Variants in STAT1 observed in about 807,000 individuals in gnomAD.
STAT1 encodes signal transducer and activator of transcription 1.
In STAT1, 24 loss-of-function variants were observed where a neutral mutation model predicts 111.7. The ratio of observed to expected loss-of-function variants is 0.21; its 90% CI spans 0.16 to 0.30. The LOEUF (loss-of-function observed/expected upper bound fraction) is 0.30. STAT1 is among the 10% of genes least tolerant of loss of function. The pLI is 1.00. For missense variants in STAT1, 351 were observed against 911.9 expected (o/e 0.38, Z 7.92); for synonymous variants, 332 against 326.5 (o/e 1.02, Z -0.18).
chr2:190,977,103 GT>G lies in STAT1; in HGVS notation c.1874-79del. 7.0e-7 allele frequency: 1 copy of G among 1,435,550 alleles called. No individual in the cohort carries two copies. Among genetic ancestry groups the G allele is most frequent in the Non-Finnish European group, 9.8e-7 (1 of 1,020,898 alleles). 88.9% of individuals were successfully genotyped at this position (1,435,550 alleles called of 1,614,324 possible). ...GGACAGAGAAATAAAACACTGCAGA[GT>G]TGATGGATTTGAGTGAACCTCATAA... On this transcript the variant is annotated intron_variant, in intron 21 of 24. Coordinates refer to ENST00000361099, the MANE Select transcript of STAT1 (RefSeq NM_007315.4). This position sits in a 1 kb window ranked among gnomAD's most constrained non-coding sequence, Gnocchi z 4.7.
At position 190,998,319 on chromosome 2, in the gene STAT1, A is replaced by G; in HGVS notation, c.542-11T>C. On this transcript the variant is annotated splice_polypyrimidine_tract_variant and intron_variant, in intron 7 of 24. Transcript: ENST00000361099. This position sits in a 1 kb window ranked among gnomAD's most constrained non-coding sequence, Gnocchi z 4.1. ...CATTGGTCTCGTGTTCTATAAATTG[A>G]GAGACAGCCAGTAAATATATAAAGA... The G allele has an allele frequency of 6.3e-7, 1 of 1,595,192 alleles. No individual in the cohort carries two copies. The highest frequency in any genetic ancestry group is 8.6e-7 in the Non-Finnish European group (1 of 1,163,408).
At position 190,981,971 on chromosome 2, in the gene STAT1, GT is replaced by G. The variant is rs1240904580; in HGVS notation, c.1582+411del. On this transcript the variant is annotated intron_variant, in intron 18 of 24. Transcript: ENST00000361099. This position sits in a 1 kb window ranked among gnomAD's most constrained non-coding sequence, Gnocchi z 4.1. ...GCCCCACCTGAGGCAAGGGCCCTGGGTTTATGCTGCAGTGGGCAAGCCCCAG... is the reference window on the plus strand; with the variant it reads ...GCCCCACCTGAGGCAAGGGCCCTGGGTTATGCTGCAGTGGGCAAGCCCCAG... 1.3e-5 allele frequency among the ~76,000 whole-genome samples: 2 copies of G among 152,370 alleles called. No individual in the cohort carries two copies. The highest frequency in any genetic ancestry group is 3.4e-3 in the Middle Eastern group (1 of 294).
rs1694401553 is a variant in STAT1, at chr2:191,003,098, T to G, written c.373-1935A>C. On this transcript the variant is annotated intron_variant, in intron 5 of 24. Coordinates refer to ENST00000361099, the MANE Select transcript of STAT1 (RefSeq NM_007315.4). This position sits in a 1 kb window ranked among gnomAD's most constrained non-coding sequence, Gnocchi z 4.0. The stretch of plus-strand genomic sequence containing the variant: ...TAAAATTGGTCCATAATTTTTTGTT[T>G]TATCTTTATCAGGCATACGTCATCA... Among the ~76,000 whole-genome samples the G allele has an allele frequency of 1.3e-5, 2 of 152,228 alleles. 1 individual carries two copies. The highest frequency in any genetic ancestry group is 4.8e-5 in the African/African-American group (2 of 41,460).
intron 2 of STAT1, among the ~76,000 whole-genome samples, chr2:191,010,961 T>C (rs1369339124): frequency 2.0e-5 from 3 of 152,230 alleles, no homozygotes; most frequent in Non-Finnish European, 1.5e-5. Context: ...AGGATTTATA[T>C]CAGCACACAG....
rs1693905900 is a variant in STAT1 at position 190,996,968 on chromosome 2, G to A, written c.785+888C>T. ...CAAAGATCAGAGAAATACATCTCCTGCTTAAGAAAAAAGCCTGCCTTGGCT... is the reference window on the plus strand; with the variant it reads ...CAAAGATCAGAGAAATACATCTCCTACTTAAGAAAAAAGCCTGCCTTGGCT... On this transcript the variant is annotated intron_variant, in intron 9 of 24. Coordinates refer to ENST00000361099, the MANE Select transcript of STAT1 (RefSeq NM_007315.4). The surrounding 1 kb of genome is among the most constrained non-coding windows in gnomAD (Gnocchi z 4.5). Among the ~76,000 whole-genome samples the A allele has an allele frequency of 6.6e-6, 1 of 152,180 alleles. No individual in the cohort carries two copies.
intron 2 of STAT1, among the ~76,000 whole-genome samples, chr2:191,011,592 A>T (rs1317921016): frequency 6.6e-6 from 1 of 152,026 alleles, no homozygotes; most frequent in Non-Finnish European, 1.5e-5. Context: ...GCCCCCACCC[A>T]AATCTTACCT....
Position 190,974,187 on chromosome 2 carries a change from A to G in STAT1, c.2238+643T>C, listed in dbSNP as rs1344766639. Among the ~76,000 whole-genome samples, 1 of 138,070 alleles carries G rather than the reference A, an allele frequency of 7.2e-6. No homozygotes were observed. Among genetic ancestry groups the G allele is most frequent in the Non-Finnish European group, 1.5e-5 (1 of 64,614 alleles). 90.6% of individuals were successfully genotyped at this position (138,070 alleles called of 152,430 possible). The stretch of plus-strand genomic sequence containing the variant: ...AAGGATTTTAGGCTGAAAGGCAAAC[A>G]ATACTAGTTGATATACTAAAAAAGC... On this transcript the variant is annotated intron_variant, in intron 24 of 24. Coordinates refer to ENST00000361099, the MANE Select transcript of STAT1 (RefSeq NM_007315.4). This position sits in a 1 kb window ranked among gnomAD's most constrained non-coding sequence, Gnocchi z 4.8.
Position 190,991,331 on chromosome 2 carries a change from C to A in STAT1, c.945-11G>T, listed in dbSNP as rs752496029. ...TCCACCACAAACGAGCTGCAAATACCCAGCAAAGGATAGATAAGTTAGCAT... is the reference window on the plus strand; with the variant it reads ...TCCACCACAAACGAGCTGCAAATACACAGCAAAGGATAGATAAGTTAGCAT... On this transcript the variant is annotated splice_polypyrimidine_tract_variant and intron_variant, in intron 10 of 24. Coordinates refer to ENST00000361099, the MANE Select transcript of STAT1 (RefSeq NM_007315.4). 24 of 1,613,662 alleles carry A rather than the reference C, an allele frequency of 1.5e-5. No homozygotes were observed. The highest frequency in any genetic ancestry group is 1.8e-5 in the Non-Finnish European group (21 of 1,179,708).
At chr2:190,994,756 A>G (rs1174937832) in intron 10 of STAT1, among the ~76,000 whole-genome samples, 1 of 151,714 alleles carries the variant, frequency 6.6e-6, no homozygotes, top group African/African-American at 2.4e-5. Context: ...CCCAGTCTCT[A>G]CTAAAAAAAA....
Position 190,999,491 on chromosome 2 carries a change from C to T in STAT1, c.541+135G>A. 1 of 720,196 alleles carries T rather than the reference C, an allele frequency of 1.4e-6. No individual in the cohort carries two copies. Among genetic ancestry groups the T allele is most frequent in the Non-Finnish European group, 2.5e-6 (1 of 397,272 alleles). 44.6% of individuals were successfully genotyped at this position (720,196 alleles called of 1,614,324 possible). ...TCAATAATATTGGATGTTGAGAAGC[C>T]CTGGCCTGGGTTATCAAGGAAGAAT... On this transcript the variant is annotated intron_variant, in intron 7 of 24. Coordinates refer to ENST00000361099, the MANE Select transcript of STAT1 (RefSeq NM_007315.4). The surrounding 1 kb of genome is among the most constrained non-coding windows in gnomAD (Gnocchi z 4.1).
In STAT1 at chr2:191,007,814, A is replaced by G. The variant is rs1432747240; in HGVS notation, c.274-153T>C. 1.3e-5 allele frequency among the ~76,000 whole-genome samples: 2 copies of G among 152,266 alleles called. No individual in the cohort carries two copies. The highest frequency in any genetic ancestry group is 6.5e-5 in the Admixed American group (1 of 15,282). On this transcript the variant is annotated intron_variant, in intron 4 of 24. Coordinates refer to ENST00000361099, the MANE Select transcript of STAT1 (RefSeq NM_007315.4). The surrounding 1 kb of genome is among the most constrained non-coding windows in gnomAD (Gnocchi z 4.2). ...ATAAGCTATGTTTGTTAAAATCAAAATATTTCTTTCACGAATTATGACAAA... is the reference window on the plus strand; with the variant it reads ...ATAAGCTATGTTTGTTAAAATCAAAGTATTTCTTTCACGAATTATGACAAA...
Position 190,979,961 on chromosome 2 carries a change from G to A in STAT1, c.1633-95C>T. ...CATCATTTGCAAAGACTCCCCAGGT[G>A]CCAAGGATGGAACTGTCCCATTCAG... On this transcript the variant is annotated intron_variant, in intron 19 of 24. Coordinates refer to ENST00000361099, the MANE Select transcript of STAT1 (RefSeq NM_007315.4). The surrounding 1 kb of genome is among the most constrained non-coding windows in gnomAD (Gnocchi z 5.8). 2 of 821,096 alleles carry A rather than the reference G, an allele frequency of 2.4e-6. No homozygotes were observed. The highest frequency in any genetic ancestry group is 3.4e-5 in the African/African-American group (2 of 59,306). 50.9% of individuals were successfully genotyped at this position (821,096 alleles called of 1,614,324 possible).
rs1355012379 is a variant in STAT1 at position 191,004,677 on chromosome 2, A to G, written c.372+2886T>C. On this transcript the variant is annotated intron_variant, in intron 5 of 24. Coordinates refer to ENST00000361099, the MANE Select transcript of STAT1 (RefSeq NM_007315.4). The surrounding 1 kb of genome is among the most constrained non-coding windows in gnomAD (Gnocchi z 5.0). ...GTTTTCTCATCTTTAAAATGGGGAT[A>G]AGAATACCTAACTTCAGTGATAGTT... is the stretch of plus-strand genomic sequence containing the variant. Among the ~76,000 whole-genome samples, 4 of 152,232 alleles carry G rather than the reference A, an allele frequency of 2.6e-5. No individual in the cohort carries two copies. The highest frequency in any genetic ancestry group is 2.0e-4 in the Admixed American group (3 of 15,290).
chr2:191,003,850 ACTACACC>A lies in STAT1; in HGVS notation c.373-2694_373-2688del. Among the ~76,000 whole-genome samples the A allele has an allele frequency of 1.3e-5, 2 of 152,202 alleles. 1 individual carries two copies. The highest frequency in any genetic ancestry group is 4.1e-4 in the South Asian group (2 of 4,832). On this transcript the variant is annotated intron_variant, in intron 5 of 24. Transcript: ENST00000361099. The surrounding 1 kb of genome is among the most constrained non-coding windows in gnomAD (Gnocchi z 4.0). ...CTGTGGGCTTTGTAACAGCTGGGAC[ACTACACC>A]TAGAGAGAGGGACCAGGCCACTGGA...
chr2:190,996,868 T>C lies in STAT1; in HGVS notation c.785+988A>G, dbSNP rs1693897708. On this transcript the variant is annotated intron_variant, in intron 9 of 24. Transcript: ENST00000361099. This position sits in a 1 kb window ranked among gnomAD's most constrained non-coding sequence, Gnocchi z 4.5. The stretch of plus-strand genomic sequence containing the variant: ...GCCCCTCACCTGGACCACACTAATA[T>C]GCTAATAGTATTCCAACTGGTCTTT... 6.6e-6 allele frequency among the ~76,000 whole-genome samples: 1 copy of C among 152,196 alleles called. No homozygotes were observed. The highest frequency in any genetic ancestry group is 1.5e-5 in the Non-Finnish European group (1 of 68,026).
In STAT1 at chr2:190,973,476, T is replaced by C. The variant is rs1691659570; in HGVS notation, c.2238+1354A>G. The stretch of plus-strand genomic sequence containing the variant: ...TGTGAAGTACATGGTATACTGTAGG[T>C]GCTTAATGTCACCTATTAATGGTGG... On this transcript the variant is annotated intron_variant, in intron 24 of 24. Transcript: ENST00000361099. The surrounding 1 kb of genome is among the most constrained non-coding windows in gnomAD (Gnocchi z 4.4). Among the ~76,000 whole-genome samples the C allele has an allele frequency of 1.3e-5, 2 of 152,138 alleles. No individual in the cohort carries two copies. Among genetic ancestry groups the C allele is most frequent in the African/African-American group, 4.8e-5 (2 of 41,402 alleles).
Position 191,004,248 on chromosome 2 carries a change from A to G in STAT1, c.373-3085T>C, listed in dbSNP as rs140071419. On this transcript the variant is annotated intron_variant, in intron 5 of 24. Coordinates refer to ENST00000361099, the MANE Select transcript of STAT1 (RefSeq NM_007315.4). This position sits in a 1 kb window ranked among gnomAD's most constrained non-coding sequence, Gnocchi z 5.0. ...TGAGTCCTTAACTTTTTAACTTTCT[A>G]AGAAACCAGGAGTACTGAAACCACG... Among the ~76,000 whole-genome samples the G allele has an allele frequency of 4.8e-3, 735 of 152,248 alleles. 8 individuals carry two copies. The highest frequency in any genetic ancestry group is 0.017 in the African/African-American group (702 of 41,518).
In STAT1 at chr2:190,970,386, G is replaced by T; in HGVS notation, c.*317C>A. 2.3e-6 allele frequency: 1 copy of T among 440,188 alleles called. No individual in the cohort carries two copies. The highest frequency in any genetic ancestry group is 4.2e-6 in the Non-Finnish European group (1 of 236,424). 27.3% of individuals were successfully genotyped at this position (440,188 alleles called of 1,614,324 possible). ...TTATGCATAACATTTGCTAGATGTT[G>T]CTTAACTTCTCCTTTCCCAAAGGAC... On this transcript the variant is annotated 3_prime_UTR_variant, in exon 25 of 25. Coordinates refer to ENST00000361099, the MANE Select transcript of STAT1 (RefSeq NM_007315.4). This position sits in a 1 kb window ranked among gnomAD's most constrained non-coding sequence, Gnocchi z 5.4.
chr2:191,002,162 C>T (rs148386801), intron 5 of STAT1, among the ~76,000 whole-genome samples: 5 of 152,226 alleles, frequency 3.3e-5, no homozygotes, highest in East Asian at 1.9e-4. Flanking sequence ...ACTTTTAGAT[C>T]GCTGATATAT....
Sources: allele counts gnomAD v4.1 joint callset (sites outside exome capture counted in the v4.1 genomes callset), GRCh38; gene constraint gnomAD v4.1.1; non-coding constraint Gnocchi (gnomAD v3.1); transcripts MANE v1.5; gene names NCBI Gene and HGNC (gene_info 2026-07-23, HGNC 2026-07-21).